Variants in MASP1 observed in about 807,000 individuals in gnomAD.
MASP1 encodes the protein MBL associated serine protease 1, also known as mannan-binding lectin serine protease 1.
MASP1 carries 59 observed loss-of-function variants against 77.1 expected under a neutral mutation model. The observed-to-expected ratio is 0.77, with a 90% CI of 0.62 to 0.95. The LOEUF (loss-of-function observed/expected upper bound fraction) is 0.95, where lower values mean the gene tolerates loss of function less well. MASP1 is among the 40% of genes least tolerant of loss of function. MASP1 has a pLI of 0.00. For synonymous variants in MASP1, 362 were observed against 354.5 expected (o/e 1.02, Z -0.24); for missense variants, 885 against 912.9 (o/e 0.97, Z 0.39).
chr3:187,220,303 C>T (rs754220400), intron 15 of MASP1: 7 of 1,579,046 alleles, frequency 4.4e-6, no homozygotes, highest in Non-Finnish European at 6.1e-6. Flanking sequence ...AATGCCCCTT[C>T]CCAGCCCAAG....
intron 13 of MASP1, among the ~76,000 whole-genome samples, chr3:187,224,352 T>TG (rs1348384220): frequency 6.8e-6 from 1 of 147,686 alleles, no homozygotes; most frequent in Non-Finnish European, 1.5e-5. Flanking sequence ...TTTTTTTTTT[T>TG]TTTTTTTTTT....
chr3:187,241,792 T>G, intron 9 of MASP1: 1 of 454,750 alleles, frequency 2.2e-6, no homozygotes, highest in Non-Finnish European at 4.1e-6. Context: ...CCTCCAAATA[T>G]CTTCAAATAC....
intron 8 of MASP1, chr3:187,247,337 T>A: frequency 6.2e-7 from 1 of 1,614,058 alleles, no homozygotes; most frequent in Non-Finnish European, 8.5e-7. Context: ...CGTCATTCAC[T>A]CTGTCACTTG....
Position 187,235,968 on chromosome 3 carries a change from C to T in MASP1, c.1903G>A (p.Glu635Lys), listed in dbSNP as rs772406789. ...VPHAECKTSY[E>K]SRSGNYSVTE... Reference sequence around the variant, plus strand: ...ACGCTGTAATTGCCCGAGCGGGACTCATAGCTAGTTTTGCACTCAGCGTGA... The same window carrying T: ...ACGCTGTAATTGCCCGAGCGGGACTTATAGCTAGTTTTGCACTCAGCGTGA... The change falls in exon 11 of 11, where the codon GAG becomes AAG. Residue 635 changes from glutamate to lysine, a missense_variant. Glu to Lys is a moderately conservative substitution (Grantham distance 56, BLOSUM62 1). Coordinates refer to ENST00000296280, the MANE Select transcript of MASP1 (RefSeq NM_139125.4). 6.2e-7 allele frequency: 1 copy of T among 1,614,238 alleles called. No individual in the cohort carries two copies. Among genetic ancestry groups the T allele is most frequent in the Non-Finnish European group, 8.5e-7 (1 of 1,180,046 alleles).
intron 2 of MASP1, among the ~76,000 whole-genome samples, chr3:187,278,322 A>C (rs976213257): frequency 8.5e-4 from 130 of 152,344 alleles, no homozygotes; most frequent in Non-Finnish European, 1.8e-3. Context: ...CATGTCATTC[A>C]AATCCTCCCA....
downstream of MASP1, among the ~76,000 whole-genome samples, chr3:187,231,441 T>G (rs1205034165): frequency 6.6e-6 from 1 of 152,152 alleles, no homozygotes; most frequent in African/African-American, 2.4e-5. Context: ...CCCACATTCT[T>G]CCTCCCCCTT....
Position 187,236,485 on chromosome 3 carries a change from C to A in MASP1, c.1386G>T (p.Pro462=). The A allele has an allele frequency of 6.2e-7, 1 of 1,614,034 alleles. No individual in the cohort carries two copies. The highest frequency in any genetic ancestry group is 8.5e-7 in the Non-Finnish European group (1 of 1,180,018). Residue 462 remains proline (P), a synonymous_variant, in exon 11 of 11, where the codon CCG becomes CCT. Coordinates refer to ENST00000296280, the MANE Select transcript of MASP1 (RefSeq NM_139125.4). Reference sequence around the variant, plus strand: ...CCTCCACCACTATCAGGGCCTGCCACGGGAAGAGGCCAGGCTCAGCATTTC... The same window carrying A: ...CCTCCACCACTATCAGGGCCTGCCAAGGGAAGAGGCCAGGCTCAGCATTTC... ...GGRNAEPGLF[P]WQALIVVEDT...
At chr3:187,284,115 C>A (rs774950058) in intron 2 of MASP1, among the ~76,000 whole-genome samples, 8 of 152,198 alleles carry the variant, frequency 5.3e-5, no homozygotes, top group Non-Finnish European at 1.2e-4. Context: ...TCTCTTAGAG[C>A]AACCAGTTCC....
chr3:187,272,190 A>G (rs1358166076), intron 2 of MASP1, among the ~76,000 whole-genome samples: 1 of 149,408 alleles, frequency 6.7e-6, no homozygotes, highest in African/African-American at 2.5e-5. Flanking sequence ...AAAAGAGAAG[A>G]AAGACAGATC....
At chr3:187,219,661 GA>G in exon 16 of MASP1, 1 of 258,876 alleles carries the variant, frequency 3.9e-6, no homozygotes, top group South Asian at 4.8e-5. Flanking sequence ...TAGACACATC[GA>G]CCTTCTGCTA....
intron 1 of MASP1, among the ~76,000 whole-genome samples, chr3:187,289,876 A>G (rs1395216245): frequency 6.6e-6 from 1 of 152,224 alleles, no homozygotes; most frequent in Non-Finnish European, 1.5e-5. Context: ...TCCTTACTTC[A>G]TCCAGAATCT....
chr3:187,222,741 C>T (rs1468071551), intron 14 of MASP1, among the ~76,000 whole-genome samples: 1 of 149,878 alleles, frequency 6.7e-6, no homozygotes, highest in East Asian at 2.0e-4. Flanking sequence ...CTGCCAAGTT[C>T]ATTACTGCAA....
intron 2 of MASP1, among the ~76,000 whole-genome samples, chr3:187,264,547 C>T (rs1715861664): frequency 6.6e-6 from 1 of 151,916 alleles, no homozygotes. Context: ...CTTGGTGATC[C>T]AGGGACATTG....
At chr3:187,221,827 T>A (rs536916189) in intron 14 of MASP1, among the ~76,000 whole-genome samples, 7 of 152,194 alleles carry the variant, frequency 4.6e-5, no homozygotes, top group Non-Finnish European at 8.8e-5. Context: ...ATATATATAT[T>A]TTTTGCAATG....
chr3:187,224,483 A>G (rs1231595342), intron 13 of MASP1, among the ~76,000 whole-genome samples: 1 of 150,220 alleles, frequency 6.7e-6, no homozygotes, highest in African/African-American at 2.4e-5. Context: ...AGTAGCTGGG[A>G]CTACAGGCGC....
intron 14 of MASP1, among the ~76,000 whole-genome samples, chr3:187,222,783 T>C (rs1712144113): frequency 6.6e-6 from 1 of 152,136 alleles, no homozygotes; most frequent in Non-Finnish European, 1.5e-5. Context: ...TGGCTCATTC[T>C]GGCCAATTTG....
chr3:187,258,322 G>A (rs1037839742), intron 4 of MASP1, among the ~76,000 whole-genome samples: 1 of 152,198 alleles, frequency 6.6e-6, no homozygotes, highest in Non-Finnish European at 1.5e-5. Flanking sequence ...GTTTACAGAG[G>A]CTGCACACCT....
In MASP1 at chr3:187,259,453, A is replaced by G. The variant is rs868068175; in HGVS notation, c.547+1288T>C. On this transcript the variant is annotated intron_variant, in intron 4 of 10. Transcript: ENST00000296280. ...ATGCACAATACACAGATGGACATAC[A>G]GTACATAAACAGATATATAGTCTAT... Among the ~76,000 whole-genome samples the G allele has an allele frequency of 7.2e-5, 11 of 152,312 alleles. 1 individual carries two copies. The highest frequency in any genetic ancestry group is 2.0e-4 in the Admixed American group (3 of 15,300).
At chr3:187,255,325 GGAA>G (rs1456088037) in intron 5 of MASP1, among the ~76,000 whole-genome samples, 2 of 152,140 alleles carry the variant, frequency 1.3e-5, no homozygotes, top group Admixed American at 6.5e-5. Flanking sequence ...CTGACAGCCA[GGAA>G]GAAGAAGGGG....
Sources: allele counts gnomAD v4.1 joint callset (sites outside exome capture counted in the v4.1 genomes callset), GRCh38; gene constraint gnomAD v4.1.1; transcripts MANE v1.5; gene names NCBI Gene and HGNC (gene_info 2026-07-23, HGNC 2026-07-21).